LRRC34: variants seen among roughly 807,000 people sequenced by gnomAD.
LRRC34 encodes leucine-rich repeat-containing protein 34.
Under a neutral mutation model 48.5 loss-of-function variants are expected in LRRC34, and 44 were observed. The observed-to-expected ratio is 0.91, with a 90% CI of 0.71 to 1.17. The LOEUF is 1.17. Among genes scored for constraint, LRRC34 ranks in the 50% most tolerant of loss-of-function variants. LRRC34 has a pLI of 0.00. For synonymous variants in LRRC34, 192 were observed against 197.6 expected (o/e 0.97, Z 0.24); for missense variants, 502 against 563.0 (o/e 0.89, Z 1.10).
intron 1 of LRRC34, among the ~76,000 whole-genome samples, chr3:169,809,522 G>C (rs1005587165): frequency 1.3e-5 from 2 of 152,140 alleles, no homozygotes; most frequent in African/African-American, 4.8e-5. Flanking sequence ...TCTCCTTTCT[G>C]TTATACATGC....
chr3:169,809,406 G>A lies in LRRC34; in HGVS notation c.140-661C>T, dbSNP rs570177627. Among the ~76,000 whole-genome samples the A allele has an allele frequency of 8.7e-4, 132 of 152,088 alleles. 2 individuals are homozygous for A. In the South Asian group the frequency reaches 0.027, roughly 31 times the overall value. On this transcript the variant is annotated intron_variant, in intron 1 of 10. Transcript: ENST00000446859. ...TGTCATTTCTTCATACCAAATCGAGGCCTGGCTCACAGAAGCTCTTCTCCT... is the reference window on the plus strand; with the variant it reads ...TGTCATTTCTTCATACCAAATCGAGACCTGGCTCACAGAAGCTCTTCTCCT...
At position 169,812,173 on chromosome 3, in the gene LRRC34, T is replaced by A. The variant is rs1228545901; in HGVS notation, c.139+237A>T. 6.8e-6 allele frequency among the ~76,000 whole-genome samples: 1 copy of A among 147,300 alleles called. No homozygotes were observed. Among genetic ancestry groups the A allele is most frequent in the Non-Finnish European group, 1.5e-5 (1 of 66,928 alleles). On this transcript the variant is annotated intron_variant, in intron 1 of 10. Coordinates refer to ENST00000446859, the MANE Select transcript of LRRC34 (RefSeq NM_001172779.2). This position sits in a 1 kb window ranked among gnomAD's most constrained non-coding sequence, Gnocchi z 4.3. Reference sequence around the variant, plus strand: ...GCGCAAAGGGCGGACCCACGGGAACTCCTCTCCGTGGACTCCTCTCCTGCC... The same window carrying A: ...GCGCAAAGGGCGGACCCACGGGAACACCTCTCCGTGGACTCCTCTCCTGCC...
chr3:169,811,303 G>C (rs1779559636), intron 1 of LRRC34, among the ~76,000 whole-genome samples: 1 of 152,190 alleles, frequency 6.6e-6, no homozygotes, highest in Non-Finnish European at 1.5e-5. Context: ...AGGCATGAAG[G>C]AATCTTAGAC....
At chr3:169,798,258 G>C (rs1205500753) in intron 7 of LRRC34, among the ~76,000 whole-genome samples, 2 of 152,190 alleles carry the variant, frequency 1.3e-5, no homozygotes, top group Non-Finnish European at 2.9e-5. Flanking sequence ...TCCTAATTAA[G>C]GGAGGAACTA....
chr3:169,793,927 G>T, intron 10 of LRRC34, 89 bp from the exon 11 acceptor site: 2 of 788,916 alleles, frequency 2.5e-6, no homozygotes, highest in African/African-American at 1.8e-5. Context: ...CAAATTAGCT[G>T]TGCTAATTTG....
At position 169,804,197 on chromosome 3, in the gene LRRC34, A is replaced by T. The variant is rs540895462; in HGVS notation, c.529-16T>A. On this transcript the variant is annotated splice_polypyrimidine_tract_variant and intron_variant, in intron 5 of 10. Coordinates refer to ENST00000446859, the MANE Select transcript of LRRC34 (RefSeq NM_001172779.2). ...TCCGATTCTTCTGAAAAGGAAAAAA[A>T]ACTTATTTAATAATTGTTAATCCAC... The T allele has an allele frequency of 3.9e-6, 6 of 1,554,418 alleles. No individual in the cohort carries two copies. The highest frequency in any genetic ancestry group is 5.2e-6 in the Non-Finnish European group (6 of 1,148,126).
At chr3:169,796,717 A>G (rs1337861416) in intron 8 of LRRC34, 28 bp downstream of exon 8, 7 of 1,587,668 alleles carry the variant, frequency 4.4e-6, no homozygotes, top group Non-Finnish European at 6.0e-6. Context: ...TTTAACTTTG[A>G]ATTATTAATG....
intron 6 of LRRC34, 122 bp downstream of exon 6, chr3:169,803,931 G>GA (rs1779280132): frequency 1.1e-6 from 1 of 916,478 alleles, no homozygotes; most frequent in Non-Finnish European, 1.6e-6. Flanking sequence ...ATGTCTAGGG[G>GA]AAAAACACCT....
Position 169,812,307 on chromosome 3 carries a change from C to T in LRRC34, c.139+103G>A, listed in dbSNP as rs1779614811. The T allele has an allele frequency of 2.1e-6, 3 of 1,396,546 alleles. No individual in the cohort carries two copies. Among genetic ancestry groups the T allele is most frequent in the Admixed American group, 5.8e-5 (2 of 34,694 alleles). The allele number at this position is 1,396,546 out of a possible 1,614,324, so 86.5% of individuals were successfully genotyped here. A position where few individuals can be genotyped will look rare whatever the true frequency, so the allele number is the denominator to read the frequency against. On this transcript the variant is annotated intron_variant, in intron 1 of 10. Transcript: ENST00000446859. This position sits in a 1 kb window ranked among gnomAD's most constrained non-coding sequence, Gnocchi z 4.3. ...AGGGGCCCCCCTCCCGCCTCGACGC[C>T]TTGGGCTGGCGGGCTGCTGGGAGGA...
chr3:169,804,137 A>C lies in LRRC34; in HGVS notation c.573T>G (p.Ile191Met). The C allele has an allele frequency of 6.2e-7, 1 of 1,605,600 alleles. No individual in the cohort carries two copies. Among genetic ancestry groups the C allele is most frequent in the Non-Finnish European group, 8.5e-7 (1 of 1,175,760 alleles). ...LKYLRMTGNK[I>M]ENKGGMFFAA... ...CAAAAAACATTCCACCTTTATTTTC[A>C]ATTTTGTTTCCAGTCATTCTTAGGT... Residue 191 changes from isoleucine (I) to methionine (M), a missense_variant, in exon 6 of 11, where the codon ATT becomes ATG. Coordinates refer to ENST00000446859, the MANE Select transcript of LRRC34 (RefSeq NM_001172779.2).
At chr3:169,798,795 TC>T (rs1276093164) in intron 7 of LRRC34, among the ~76,000 whole-genome samples, 6 of 152,042 alleles carry the variant, frequency 3.9e-5, no homozygotes, top group Admixed American at 3.9e-4. Flanking sequence ...TCTGAGAACC[TC>T]CCTACCACAC....
At chr3:169,800,796 T>C in intron 6 of LRRC34, 42 bp from the exon 7 acceptor site, 2 of 1,222,898 alleles carry the variant, frequency 1.6e-6, no homozygotes, top group Non-Finnish European at 1.1e-6. Context: ...ACAAAGTATA[T>C]AATAATCTCG....
At chr3:169,804,022 T>G in intron 6 of LRRC34, 31 bp downstream of exon 6, 1 of 1,533,022 alleles carries the variant, frequency 6.5e-7, no homozygotes. Context: ...ACCCACTATC[T>G]GGATGATTTT....
Position 169,808,753 on chromosome 3 carries a change from A to G in LRRC34, c.140-8T>C, listed in dbSNP as rs761049125. 7 of 1,362,294 alleles carry G rather than the reference A, an allele frequency of 5.1e-6. No homozygotes were observed. The highest frequency in any genetic ancestry group is 1.5e-5 in the African/African-American group (1 of 68,860). The allele number at this position is 1,362,294 out of a possible 1,614,324, so 84.4% of individuals were successfully genotyped here. A position where few individuals can be genotyped will look rare whatever the true frequency, so the allele number is the denominator to read the frequency against. Reference sequence around the variant, plus strand: ...GACCAGATTCTGGAGATTCTGAAAAATATATGCATCCTCTATCACATATAA... The same window carrying G: ...GACCAGATTCTGGAGATTCTGAAAAGTATATGCATCCTCTATCACATATAA... On this transcript the variant is annotated splice_region_variant and splice_polypyrimidine_tract_variant and intron_variant, in intron 1 of 10. Transcript: ENST00000446859.
rs1469437685 is a variant in LRRC34 at position 169,793,252 on chromosome 3, T to C, written c.*383A>G. Among the ~76,000 whole-genome samples, 1 of 152,234 alleles carries C rather than the reference T, an allele frequency of 6.6e-6. No homozygotes were observed. The highest frequency in any genetic ancestry group is 2.4e-5 in the African/African-American group (1 of 41,456). On this transcript the variant is annotated 3_prime_UTR_variant, in exon 11 of 11. Transcript: ENST00000446859. ...TCAACTTCTGAACTTTGAAACCCTT[T>C]GAAAGTCACTGGTAATTTTCTACCA... is the stretch of plus-strand genomic sequence containing the variant.
In LRRC34 at chr3:169,808,709, TTAGAA is replaced by T; in HGVS notation, c.171_175del (p.Tyr57Ter). ...TTTCTGGGATTTTTCCATACACAGA[TTAGAA>T]TAATGTTTCTGGAGACCAGATTCTG... On this transcript the variant is annotated stop_gained and frameshift_variant, in exon 2 of 11. Transcript: ENST00000446859. LOFTEE classifies it high-confidence loss of function. 6.3e-7 allele frequency: 1 copy of T among 1,594,732 alleles called. No homozygotes were observed. Among genetic ancestry groups the T allele is most frequent in the Non-Finnish European group, 8.6e-7 (1 of 1,164,850 alleles).
chr3:169,795,895 A>G, intron 9 of LRRC34: 1 of 1,162,100 alleles, frequency 8.6e-7, no homozygotes, highest in Non-Finnish European at 1.1e-6. Flanking sequence ...CAAGTATTTT[A>G]TTCTTTAGTT....
chr3:169,796,259 T>C lies in LRRC34; in HGVS notation c.1019A>G (p.Asn340Ser). The change falls in exon 9 of 11, where the codon AAC (asparagine) becomes AGC (serine). Residue 340 changes from asparagine (N) to serine (S), a missense_variant. By Grantham distance (46) the Asn-to-Ser change is conservative. Transcript: ENST00000446859. ...TGAAGTAAGAGTTTCACTGAGATAG[T>C]TTGCGCCTGCATTTTCTATTCTGTT... ...SFNRIENAGA[N>S]YLSETLTSHN... 6.2e-7 allele frequency: 1 copy of C among 1,612,668 alleles called. No individual in the cohort carries two copies. Among genetic ancestry groups the C allele is most frequent in the Non-Finnish European group, 8.5e-7 (1 of 1,179,474 alleles).
rs1779618681 is a variant in LRRC34 at position 169,812,375 on chromosome 3, G to A, written c.139+35C>T. The A allele has an allele frequency of 2.6e-6, 4 of 1,516,994 alleles. No individual in the cohort carries two copies. The highest frequency in any genetic ancestry group is 5.2e-5 in the East Asian group (2 of 38,692). 94.0% of individuals were successfully genotyped at this position (1,516,994 alleles called of 1,614,324 possible). A position where few individuals can be genotyped will look rare whatever the true frequency, so the allele number is the denominator to read the frequency against. ...CGGCGCCCCTCGCGCGTTTTGTCTG[G>A]GCCAGGCCGCGCAGACGTGCTCCCT... is the stretch of plus-strand genomic sequence containing the variant. On this transcript the variant is annotated intron_variant, in intron 1 of 10. Coordinates refer to ENST00000446859, the MANE Select transcript of LRRC34 (RefSeq NM_001172779.2). This position sits in a 1 kb window ranked among gnomAD's most constrained non-coding sequence, Gnocchi z 4.3.
Sources: allele counts gnomAD v4.1 joint callset (sites outside exome capture counted in the v4.1 genomes callset), GRCh38; gene constraint gnomAD v4.1.1; non-coding constraint Gnocchi (gnomAD v3.1); transcripts MANE v1.5; gene names NCBI Gene and HGNC (gene_info 2026-07-23, HGNC 2026-07-21).